RBMS1: variants seen among roughly 807,000 people sequenced by gnomAD.
RBMS1 encodes RNA binding motif single stranded interacting protein 1, also known as RNA-binding motif, single-stranded-interacting protein 1.
RBMS1 carries 17 observed loss-of-function variants against 62.3 expected under a neutral mutation model. That is an observed-to-expected ratio of 0.27 (90% CI 0.19 to 0.41). The LOEUF is 0.41. Ranked by LOEUF, RBMS1 falls within the 10% of genes least tolerant of loss-of-function variation. The pLI is 1.00. For synonymous variants in RBMS1, 172 were observed against 170.0 expected (o/e 1.01, Z -0.09); for missense variants, 334 against 504.5 (o/e 0.66, Z 3.24).
chr2:160,368,010 A>T (rs1005346989), intron 1 of RBMS1, among the ~76,000 whole-genome samples: 4 of 152,014 alleles, frequency 2.6e-5, no homozygotes, highest in African/African-American at 9.7e-5. Flanking sequence ...AAGCTGGAAA[A>T]CTTCCCAGCT....
At chr2:160,342,934 C>G (rs1248577434) in intron 2 of RBMS1, among the ~76,000 whole-genome samples, 1 of 151,834 alleles carries the variant, frequency 6.6e-6, no homozygotes, top group African/African-American at 2.4e-5. Context: ...GTGAGACTGC[C>G]TCAAAAACAA....
At chr2:160,400,984 C>T (rs568075607) in intron 1 of RBMS1, among the ~76,000 whole-genome samples, 7 of 152,130 alleles carry the variant, frequency 4.6e-5, no homozygotes, top group South Asian at 2.1e-4. Context: ...TTCTAGGTTT[C>T]GTTTTGTTTT....
At chr2:160,338,028 C>T (rs1163673328) in intron 2 of RBMS1, among the ~76,000 whole-genome samples, 1 of 152,116 alleles carries the variant, frequency 6.6e-6, no homozygotes. Context: ...ACAGCAGACA[C>T]AGGTAGAAAG....
intron 1 of RBMS1, among the ~76,000 whole-genome samples, chr2:160,450,848 A>AAAC (rs372465916): frequency 5.9e-5 from 9 of 152,154 alleles, no homozygotes. Context: ...TTATTAAGAA[A>AAAC]AACAACAACA....
intron 2 of RBMS1, among the ~76,000 whole-genome samples, chr2:160,366,250 T>A (rs1287845223): frequency 6.6e-6 from 1 of 151,062 alleles, no homozygotes; most frequent in Non-Finnish European, 1.5e-5. Flanking sequence ...TAGTTTTGAA[T>A]TTTTTTTTCT....
At chr2:160,349,430 A>ATCATGTGGGAGGATAAAGTTTGT in intron 2 of RBMS1, among the ~76,000 whole-genome samples, 1 of 152,106 alleles carries the variant, frequency 6.6e-6, no homozygotes, top group Non-Finnish European at 1.5e-5. Context: ...AAGAATATGT[A>ATCATGTGGGAGGATAAAGTTTGT]TCATGTGGGA....
intron 2 of RBMS1, among the ~76,000 whole-genome samples, chr2:160,342,995 A>G (rs1367539028): frequency 6.6e-6 from 1 of 152,076 alleles, no homozygotes; most frequent in Non-Finnish European, 1.5e-5. Flanking sequence ...CATGAACTGG[A>G]ATAAGGGACC....
intron 3 of RBMS1, 69 bp from the exon 4 acceptor site, chr2:160,313,316 G>GGT: frequency 6.8e-7 from 1 of 1,460,042 alleles, no homozygotes. Context: ...TAAAAGAACA[G>GGT]CTCTACTTTG....
intron 2 of RBMS1, among the ~76,000 whole-genome samples, chr2:160,346,954 GA>G (rs1692218094): frequency 6.6e-6 from 1 of 151,948 alleles, no homozygotes; most frequent in African/African-American, 2.4e-5. Context: ...GAATGATTAT[GA>G]AAGAAACTTC....
intron 1 of RBMS1, among the ~76,000 whole-genome samples, chr2:160,437,337 A>G (rs1182157457): frequency 6.6e-6 from 1 of 152,180 alleles, no homozygotes; most frequent in Non-Finnish European, 1.5e-5. Flanking sequence ...TTTTTCTTGA[A>G]GTCCCTCCCA....
At chr2:160,303,045 C>T (rs1383899984) in intron 5 of RBMS1, among the ~76,000 whole-genome samples, 1 of 152,124 alleles carries the variant, frequency 6.6e-6, no homozygotes, top group Non-Finnish European at 1.5e-5. Flanking sequence ...AAGTTAGAAG[C>T]ATCCTGATGA....
chr2:160,455,968 C>A (rs988479750), intron 1 of RBMS1, among the ~76,000 whole-genome samples: 1 of 152,006 alleles, frequency 6.6e-6, no homozygotes, highest in South Asian at 2.1e-4. Flanking sequence ...CAGGCGTGAG[C>A]CACCGCGCCC....
intron 6 of RBMS1, among the ~76,000 whole-genome samples, chr2:160,290,873 A>G (rs925561466): frequency 1.3e-5 from 2 of 152,124 alleles, no homozygotes; most frequent in African/African-American, 4.8e-5. Context: ...CACAAGCTTG[A>G]TTTTGTGGTA....
In RBMS1 at chr2:160,493,449, G is replaced by GGCGGCGGCA. The variant is rs894639736; in HGVS notation, c.-95_-87dup. The GGCGGCGGCA allele has an allele frequency of 4.4e-6, 6 of 1,365,644 alleles. No individual in the cohort carries two copies. The highest frequency in any genetic ancestry group is 5.2e-6 in the Non-Finnish European group (5 of 970,088). 84.6% of individuals were successfully genotyped at this position (1,365,644 alleles called of 1,614,324 possible). ...GCTCTCCTGCCTCTCCCTTTCCGGC[G>GGCGGCGGCA]GCGGCGGCAGCGGCGGCGGCGGCGG... On this transcript the variant is annotated 5_prime_UTR_variant, in exon 1 of 14. Coordinates refer to ENST00000348849, the MANE Select transcript of RBMS1 (RefSeq NM_016836.4).
intron 2 of RBMS1, among the ~76,000 whole-genome samples, chr2:160,356,660 A>G (rs961124929): frequency 6.6e-6 from 1 of 152,154 alleles, no homozygotes; most frequent in Admixed American, 6.6e-5. Context: ...GTTATGAAGC[A>G]GCAAGAAGGC....
At chr2:160,439,360 G>C (rs1444087015) in intron 1 of RBMS1, among the ~76,000 whole-genome samples, 2 of 149,998 alleles carry the variant, frequency 1.3e-5, no homozygotes, top group Non-Finnish European at 3.0e-5. Context: ...CAGGCAGAGG[G>C]TCTCCTCACT....
intron 2 of RBMS1, among the ~76,000 whole-genome samples, chr2:160,351,772 T>G (rs1019148934): frequency 2.6e-5 from 4 of 152,120 alleles, no homozygotes; most frequent in African/African-American, 9.7e-5. Context: ...AATATCAGCA[T>G]TCCCAAGTGA....
Position 160,281,495 on chromosome 2 carries a change from A to G in RBMS1, c.901-131T>C. The G allele has an allele frequency of 2.9e-6, 2 of 696,524 alleles. 1 individual carries two copies. Among genetic ancestry groups the G allele is most frequent in the South Asian group, 4.6e-5 (2 of 43,040 alleles). 43.1% of individuals were successfully genotyped at this position (696,524 alleles called of 1,614,324 possible). ...AGGAAACAATACTATCAATGATTAA[A>G]AAGATTAAGGCAGTTAGAATTCTTG... On this transcript the variant is annotated intron_variant, in intron 9 of 13. Transcript: ENST00000348849.
At chr2:160,463,276 AT>A (rs1684547493) in intron 1 of RBMS1, among the ~76,000 whole-genome samples, 2 of 152,236 alleles carry the variant, frequency 1.3e-5, no homozygotes, top group South Asian at 4.1e-4. Context: ...GTGAAAGCTG[AT>A]TCTTACTCAC....
Sources: allele counts gnomAD v4.1 joint callset (sites outside exome capture counted in the v4.1 genomes callset), GRCh38; gene constraint gnomAD v4.1.1; transcripts MANE v1.5; gene names NCBI Gene and HGNC (gene_info 2026-07-23, HGNC 2026-07-21).